The following ZNF254 variants were observed in gnomAD, a reference collection of about 807,000 sequenced individuals.
The protein encoded by ZNF254 is CTD-2017D11.1.
Under a neutral mutation model 12.4 loss-of-function variants are expected in ZNF254, and 10 were observed. That is an observed-to-expected ratio of 0.80 (90% CI 0.50 to 1.36). ZNF254 has a LOEUF of 1.36. Among genes scored for constraint, ZNF254 ranks in the 40% most tolerant of loss-of-function variants. The pLI, the probability that ZNF254 is intolerant of heterozygous loss-of-function variation, is 0.00. For synonymous variants in ZNF254, 305 were observed against 253.4 expected, an observed-to-expected ratio of 1.20 and a Z score of -1.93; for missense variants, 996 against 763.9, an observed-to-expected ratio of 1.30 and a Z score of -3.58.
At chr19:24,091,826 G>A (rs1376902775) in intron 1 of ZNF254, 6 of 982,506 alleles carry the variant, frequency 6.1e-6, no homozygotes, top group Non-Finnish European at 7.2e-6. Context: ...TGAGTTTAAT[G>A]CTAAATTTTA....
At chr19:24,109,393 A>C (rs182840093) in intron 3 of ZNF254, among the ~76,000 whole-genome samples, 1 of 152,330 alleles carries the variant, frequency 6.6e-6, no homozygotes, top group East Asian at 1.9e-4. Context: ...AATGTTGCCA[A>C]CTAGATTTTA....
At chr19:24,091,491 T>C (rs1294472924) in intron 1 of ZNF254, among the ~76,000 whole-genome samples, 1 of 152,064 alleles carries the variant, frequency 6.6e-6, no homozygotes, top group Non-Finnish European at 1.5e-5. Context: ...TGTTTTTTTG[T>C]GTGTTTGATT....
At chr19:24,102,594 G>T (rs1363932490) in intron 1 of ZNF254, among the ~76,000 whole-genome samples, 2 of 151,988 alleles carry the variant, frequency 1.3e-5, no homozygotes, top group African/African-American at 4.8e-5. Flanking sequence ...CAGAGTTTTG[G>T]GTGATGAATC....
intron 1 of ZNF254, among the ~76,000 whole-genome samples, chr19:24,041,428 G>C (rs1970152356): frequency 1.3e-5 from 2 of 152,234 alleles, no homozygotes; most frequent in African/African-American, 4.8e-5. Flanking sequence ...AGCCCTGCTG[G>C]CCCCGGGCAA....
At chr19:24,098,135 C>T (rs188523092) in intron 1 of ZNF254, among the ~76,000 whole-genome samples, 95 of 152,166 alleles carry the variant, frequency 6.2e-4, no homozygotes, top group African/African-American at 2.0e-3. Context: ...ATGAGTAGTA[C>T]ATTAAAATTA....
intron 3 of ZNF254, 58 bp downstream of exon 3, chr19:24,106,701 A>G: frequency 1.4e-6 from 2 of 1,398,564 alleles, no homozygotes; most frequent in Non-Finnish European, 2.0e-6. Flanking sequence ...TCAAGAAGAA[A>G]GCCACTCTTT....
At chr19:24,112,730 C>T (rs1239647142) in intron 3 of ZNF254, among the ~76,000 whole-genome samples, 1 of 151,992 alleles carries the variant, frequency 6.6e-6, no homozygotes, top group Admixed American at 6.6e-5. Flanking sequence ...TGGGAGTTCA[C>T]TCATGATTTG....
At chr19:24,100,097 C>G (rs1464065183) in intron 1 of ZNF254, among the ~76,000 whole-genome samples, 1 of 152,080 alleles carries the variant, frequency 6.6e-6, no homozygotes, top group African/African-American at 2.4e-5. Context: ...ATAGTCACTT[C>G]TAGAGGGGCT....
intron 1 of ZNF254, among the ~76,000 whole-genome samples, chr19:24,044,814 G>C (rs1233075127): frequency 6.6e-6 from 1 of 152,108 alleles, no homozygotes; most frequent in Non-Finnish European, 1.5e-5. Flanking sequence ...CATGATCAAT[G>C]TGTTATTTAT....
At chr19:24,052,408 T>TA (rs1231001112) in intron 2 of ZNF254, among the ~76,000 whole-genome samples, 4 of 152,204 alleles carry the variant, frequency 2.6e-5, no homozygotes, top group Middle Eastern at 3.2e-3. Flanking sequence ...AATCGGAGGC[T>TA]TCTGCCTGAG....
At chr19:24,117,881 A>G (rs568427614) in intron 3 of ZNF254, among the ~76,000 whole-genome samples, 4 of 152,000 alleles carry the variant, frequency 2.6e-5, no homozygotes, top group African/African-American at 9.6e-5. Flanking sequence ...ATTCCATTCT[A>G]TCATACATGT....
intron 1 of ZNF254, among the ~76,000 whole-genome samples, chr19:24,090,032 A>G (rs2047453007): frequency 6.8e-6 from 1 of 147,648 alleles, no homozygotes; most frequent in African/African-American, 2.5e-5. Context: ...TACTAAAAAT[A>G]CGAAAAAAAA....
At chr19:24,075,303 G>A (rs899472158) in intron 2 of ZNF254, among the ~76,000 whole-genome samples, 1 of 152,008 alleles carries the variant, frequency 6.6e-6, no homozygotes, top group Non-Finnish European at 1.5e-5. Context: ...TGCCCATGGG[G>A]GCTTTGTGAC....
chr19:24,128,094 A>G lies in ZNF254; in HGVS notation c.*114A>G. On this transcript the variant is annotated 3_prime_UTR_variant, in exon 4 of 4. Transcript: ENST00000357002. ...GCTAATGCTTTTGACAGTACCTAAAACTTTAAAGAAAATCATTCTGCTGAA... is the reference window on the plus strand; with the variant it reads ...GCTAATGCTTTTGACAGTACCTAAAGCTTTAAAGAAAATCATTCTGCTGAA... The G allele has an allele frequency of 9.2e-7, 1 of 1,082,352 alleles. No individual in the cohort carries two copies. The highest frequency in any genetic ancestry group is 1.2e-6 in the Non-Finnish European group (1 of 809,106). 67.0% of individuals were successfully genotyped at this position (1,082,352 alleles called of 1,614,324 possible).
rs567381068 is a variant in ZNF254, at chr19:24,121,467, G to T, written c.254-4787G>T. On this transcript the variant is annotated intron_variant, in intron 3 of 3. Coordinates refer to ENST00000357002, the MANE Select transcript of ZNF254 (RefSeq NM_203282.4). ...CAATATTTAACTTTGTACAATTTAA[G>T]ACCCTGTGGAGCAAAATCAAATATG... Among the ~76,000 whole-genome samples the T allele has an allele frequency of 3.9e-4, 59 of 152,068 alleles. 1 individual carries two copies. Among genetic ancestry groups the T allele is most frequent in the Non-Finnish European group, 1.2e-4 (8 of 68,020 alleles).
Position 24,126,474 on chromosome 19 carries a change from A to G in ZNF254, c.474A>G (p.Lys158=). The part of the protein sequence containing the change: ...TAQSKVFQCD[K]YLKVFYKFLN... ...AGAGCAAAGTATTTCAATGTGATAA[A>G]TATTTGAAAGTCTTCTATAAATTTT... Residue 158 remains lysine (K), a synonymous_variant, in exon 4 of 4, where the codon AAA becomes AAG. Coordinates refer to ENST00000357002, the MANE Select transcript of ZNF254 (RefSeq NM_203282.4). The G allele has an allele frequency of 6.3e-7, 1 of 1,589,114 alleles. No homozygotes were observed. Among genetic ancestry groups the G allele is most frequent in the Non-Finnish European group, 8.5e-7 (1 of 1,172,198 alleles).
At chr19:24,048,084 A>G (rs1390231452) in intron 2 of ZNF254, among the ~76,000 whole-genome samples, 1 of 124,622 alleles carries the variant, frequency 8.0e-6, no homozygotes, top group Non-Finnish European at 1.6e-5. Context: ...CTTAGTCGCC[A>G]GAGGGACAGC....
chr19:24,095,865 G>C (rs902721874), intron 1 of ZNF254, among the ~76,000 whole-genome samples: 1 of 151,758 alleles, frequency 6.6e-6, no homozygotes, highest in African/African-American at 2.4e-5. Flanking sequence ...GTTTAGTTCT[G>C]ATTTTGGTTA....
At chr19:24,074,384 A>G (rs1336965696) in intron 2 of ZNF254, among the ~76,000 whole-genome samples, 2 of 152,320 alleles carry the variant, frequency 1.3e-5, no homozygotes, top group Admixed American at 6.5e-5. Context: ...CTTCTGTCCA[A>G]ACCCTGCCCA....
Sources: gnomAD v4.1 joint callset for allele counts (sites outside exome capture counted in the v4.1 genomes callset) on GRCh38, gnomAD v4.1.1 for gene constraint, MANE v1.5 for transcripts, NCBI Gene and HGNC (gene_info 2026-07-23, HGNC 2026-07-21) for gene names.